The following NELL1 variants were observed in gnomAD, a reference collection of about 807,000 sequenced individuals.
NELL1 encodes protein kinase C-binding protein NELL1.
NELL1 carries 76 observed loss-of-function variants against 107.4 expected under a neutral mutation model. That is an observed-to-expected ratio of 0.71 (90% confidence interval 0.59 to 0.86). NELL1 has a LOEUF of 0.86. Ranked by LOEUF, NELL1 falls within the 40% of genes least tolerant of loss-of-function variation. The pLI is 0.00. For synonymous variants in NELL1, 353 were observed against 341.2 expected, an observed-to-expected ratio of 1.03 and a Z score of -0.38; for missense variants, 1,024 against 1,005.5, an observed-to-expected ratio of 1.02 and a Z score of -0.25.
chr11:21,508,724 A>T (rs1242235926), intron 15 of NELL1, among the ~76,000 whole-genome samples: 1 of 152,104 alleles, frequency 6.6e-6, no homozygotes, highest in Non-Finnish European at 1.5e-5. Flanking sequence ...CCTTATGTTT[A>T]ATGATATAAG....
intron 4 of NELL1, among the ~76,000 whole-genome samples, chr11:20,856,361 T>C (rs1250658857): frequency 6.6e-6 from 1 of 152,230 alleles, no homozygotes; most frequent in Non-Finnish European, 1.5e-5. Flanking sequence ...AGGGCTTGTG[T>C]AATGGTGTCT....
chr11:20,915,361 A>G (rs943168274), intron 5 of NELL1, among the ~76,000 whole-genome samples: 4 of 151,838 alleles, frequency 2.6e-5, no homozygotes, highest in African/African-American at 7.2e-5. Flanking sequence ...AAAAATGAAT[A>G]TTCCTGGGCC....
At chr11:21,296,292 A>AT (rs1849374267) in intron 14 of NELL1, among the ~76,000 whole-genome samples, 1 of 151,938 alleles carries the variant, frequency 6.6e-6, no homozygotes, top group Admixed American at 6.6e-5. Flanking sequence ...TGGAGAATAA[A>AT]TTTTAAAAAA....
intron 12 of NELL1, among the ~76,000 whole-genome samples, chr11:21,032,083 AATG>A (rs887210687): frequency 1.3e-5 from 2 of 149,122 alleles, no homozygotes; most frequent in African/African-American, 2.5e-5. Context: ...TAATAATAAT[AATG>A]ATAAAATAAA....
chr11:20,802,947 T>A (rs531290549), intron 3 of NELL1, among the ~76,000 whole-genome samples: 7 of 152,210 alleles, frequency 4.6e-5, no homozygotes, highest in Non-Finnish European at 8.8e-5. Context: ...ATCTTTTTAA[T>A]GTATTGCTGA....
At chr11:21,326,684 G>C (rs1242765163) in intron 14 of NELL1, among the ~76,000 whole-genome samples, 1 of 151,656 alleles carries the variant, frequency 6.6e-6, no homozygotes, top group Non-Finnish European at 1.5e-5. Context: ...ATGTCCCTCA[G>C]TTTTTACTGT....
intron 13 of NELL1, among the ~76,000 whole-genome samples, chr11:21,209,774 A>T (rs1335964142): frequency 2.0e-5 from 3 of 152,118 alleles, no homozygotes; most frequent in African/African-American, 7.2e-5. Flanking sequence ...GAATATCCAC[A>T]ACTAGAATAA....
chr11:21,087,490 G>A (rs1163997847), intron 12 of NELL1, among the ~76,000 whole-genome samples: 1 of 152,098 alleles, frequency 6.6e-6, no homozygotes, highest in Non-Finnish European at 1.5e-5. Flanking sequence ...TTATCATACT[G>A]ACAAATATTA....
intron 5 of NELL1, among the ~76,000 whole-genome samples, chr11:20,910,322 A>G (rs1447377242): frequency 6.6e-6 from 1 of 152,198 alleles, no homozygotes; most frequent in Non-Finnish European, 1.5e-5. Flanking sequence ...AAAGCAAGTC[A>G]CAAGACTAGC....
chr11:21,297,397 C>G (rs1421084795), intron 14 of NELL1, among the ~76,000 whole-genome samples: 1 of 151,988 alleles, frequency 6.6e-6, no homozygotes, highest in Non-Finnish European at 1.5e-5. Context: ...TGTACAGTGT[C>G]ACTTTATGAT....
intron 4 of NELL1, among the ~76,000 whole-genome samples, chr11:20,863,595 C>T (rs944434841): frequency 1.3e-5 from 2 of 150,478 alleles, no homozygotes; most frequent in Non-Finnish European, 3.0e-5. Context: ...GGGATGGCGG[C>T]CGGGAAGAGG....
At chr11:21,416,519 A>G (rs1359135082) in intron 15 of NELL1, among the ~76,000 whole-genome samples, 1 of 152,148 alleles carries the variant, frequency 6.6e-6, no homozygotes, top group Non-Finnish European at 1.5e-5. Context: ...TATCTTTTCC[A>G]AATTCTATAA....
At chr11:20,694,237 C>G (rs976258664) in intron 2 of NELL1, among the ~76,000 whole-genome samples, 7 of 152,052 alleles carry the variant, frequency 4.6e-5, no homozygotes, top group Non-Finnish European at 1.0e-4. Flanking sequence ...TGAATTTCCT[C>G]CTGTAGCTCG....
chr11:21,550,752 T>C (rs906775484), intron 16 of NELL1, among the ~76,000 whole-genome samples: 36 of 152,242 alleles, frequency 2.4e-4, no homozygotes, highest in African/African-American at 8.2e-4. Context: ...AGCCTTGTAG[T>C]GTAGTTTGAA....
intron 14 of NELL1, among the ~76,000 whole-genome samples, chr11:21,336,674 T>TATATACAC (rs55720144): frequency 3.1e-4 from 40 of 130,530 alleles, no homozygotes; most frequent in African/African-American, 3.7e-4. Flanking sequence ...TATATATATA[T>TATATACAC]ACACACACAC....
intron 14 of NELL1, among the ~76,000 whole-genome samples, chr11:21,248,409 G>A (rs767883770): frequency 6.6e-5 from 10 of 151,838 alleles, no homozygotes; most frequent in Non-Finnish European, 1.0e-4. Context: ...GAGAGAGGAA[G>A]TGCAGTATCT....
chr11:20,674,562 C>T (rs1311108888), intron 1 of NELL1: 2 of 1,527,190 alleles, frequency 1.3e-6, no homozygotes, highest in Admixed American at 2.0e-5. Flanking sequence ...TTCAGCAATC[C>T]CTTCAGGGAG....
At chr11:20,707,038 C>A (rs112457341) in intron 2 of NELL1, among the ~76,000 whole-genome samples, 243 of 152,304 alleles carry the variant, frequency 1.6e-3, no homozygotes, top group African/African-American at 5.6e-3. Flanking sequence ...CACATAGTCC[C>A]ATATTTCTTG....
intron 3 of NELL1, among the ~76,000 whole-genome samples, chr11:20,814,273 C>T (rs1002050237): frequency 1.5e-4 from 23 of 152,190 alleles, no homozygotes; most frequent in Non-Finnish European, 2.6e-4. Context: ...GGATTACAGG[C>T]GTGAGCCACC....
Sources: allele counts gnomAD v4.1 joint callset (sites outside exome capture counted in the v4.1 genomes callset), GRCh38; gene constraint gnomAD v4.1.1; transcripts MANE v1.5; gene names NCBI Gene and HGNC (gene_info 2026-07-23, HGNC 2026-07-21).